Variants in DUSP8 observed in about 807,000 individuals in gnomAD.
DUSP8 encodes dual specificity protein phosphatase 8.
Under a neutral mutation model 38.7 loss-of-function variants are expected in DUSP8, and 15 were observed. The ratio of observed to expected loss-of-function variants is 0.39; its 90% CI spans 0.26 to 0.60. The LOEUF is 0.60. Ranked by LOEUF, DUSP8 falls within the 20% of genes least tolerant of loss-of-function variation. The probability of loss-of-function intolerance (pLI) is 0.56; values close to 1 mark genes in which losing one functional copy is unlikely to be tolerated. For missense variants in DUSP8, 768 were observed against 915.0 expected, an observed-to-expected ratio of 0.84 and a Z score of 2.07; for synonymous variants, 458 against 433.9, an observed-to-expected ratio of 1.06 and a Z score of -0.69.
rs972813478 is a variant in DUSP8 at position 1,556,338 on chromosome 11, G to A, written c.*180C>T. 3.0e-5 allele frequency: 24 copies of A among 794,814 alleles called. No individual in the cohort carries two copies. The Admixed American group carries it at 5.2e-4, about 17-fold the overall frequency. 49.2% of individuals were successfully genotyped at this position (794,814 alleles called of 1,614,324 possible). On this transcript the variant is annotated 3_prime_UTR_variant, in exon 7 of 7. Coordinates refer to ENST00000397374, the MANE Select transcript of DUSP8 (RefSeq NM_004420.3). This position sits in a 1 kb window ranked among gnomAD's most constrained non-coding sequence, Gnocchi z 5.2. ...ACCAGACAGTAAAAATAGAGCTCGA[G>A]GACCACCCGCACTGTTGCCAAATCA...
In DUSP8 at chr11:1,556,478, G is replaced by A. The variant is rs1163832542; in HGVS notation, c.*40C>T. The A allele has an allele frequency of 9.7e-6, 12 of 1,232,256 alleles. No individual in the cohort carries two copies. In the African/African-American group the frequency reaches 1.4e-4, roughly 14 times the overall value. 76.3% of individuals were successfully genotyped at this position (1,232,256 alleles called of 1,614,324 possible). A position where few individuals can be genotyped will look rare whatever the true frequency, so the allele number is the denominator to read the frequency against. ...TTATATATAATATACATTTATAACG[G>A]GCCTGGCTGCGGGCGGCGGGGCCGA... On this transcript the variant is annotated 3_prime_UTR_variant, in exon 7 of 7. Transcript: ENST00000397374. This position sits in a 1 kb window ranked among gnomAD's most constrained non-coding sequence, Gnocchi z 5.2.
At chr11:1,562,664 C>T (rs1378574238) in intron 3 of DUSP8, among the ~76,000 whole-genome samples, 1 of 151,326 alleles carries the variant, frequency 6.6e-6, no homozygotes, top group African/African-American at 2.4e-5. Flanking sequence ...CACACATGTA[C>T]ATGCACACAC....
intron 1 of DUSP8, among the ~76,000 whole-genome samples, chr11:1,566,207 G>C (rs1370685962): frequency 6.6e-6 from 1 of 152,086 alleles, no homozygotes; most frequent in Non-Finnish European, 1.5e-5. Context: ...TGGGGTTCAC[G>C]GACCCTTAGG....
Position 1,555,122 on chromosome 11 carries a change from G to C in DUSP8, c.*1396C>G. On this transcript the variant is annotated 3_prime_UTR_variant, in exon 7 of 7. Transcript: ENST00000397374. Reference sequence around the variant, plus strand: ...CCCACAGTGACTGGCCCCACTCCTAGACCCTAGGACATCTGAAGGGCAGGG... The same window carrying C: ...CCCACAGTGACTGGCCCCACTCCTACACCCTAGGACATCTGAAGGGCAGGG... 1.0e-6 allele frequency: 1 copy of C among 987,682 alleles called. No individual in the cohort carries two copies. The highest frequency in any genetic ancestry group is 1.2e-6 in the Non-Finnish European group (1 of 830,218). The allele number at this position is 987,682 out of a possible 1,614,324, so 61.2% of individuals were successfully genotyped here.
chr11:1,570,391 C>T (rs1300255974), intron 1 of DUSP8, among the ~76,000 whole-genome samples: 1 of 152,178 alleles, frequency 6.6e-6, no homozygotes, highest in Non-Finnish European at 1.5e-5. Flanking sequence ...GTGGGTCTGC[C>T]CCTTTCCCTG....
At chr11:1,567,946 T>C (rs748224955) in intron 1 of DUSP8, among the ~76,000 whole-genome samples, 25 of 152,310 alleles carry the variant, frequency 1.6e-4, no homozygotes, top group Middle Eastern at 3.4e-3. Flanking sequence ...TCCCGAGTTC[T>C]ACCTGAGCCT....
At position 1,558,321 on chromosome 11, in the gene DUSP8, G is replaced by T; in HGVS notation, c.538-50C>A. 7.4e-7 allele frequency: 1 copy of T among 1,356,696 alleles called. No individual in the cohort carries two copies. Among genetic ancestry groups the T allele is most frequent in the Non-Finnish European group, 1.0e-6 (1 of 982,422 alleles). The allele number at this position is 1,356,696 out of a possible 1,614,324, so 84.0% of individuals were successfully genotyped here. ...GAAAGGGGTGGGAGAAGCTCGGGGCGGGAGTGAAGGTGGAGGCTTTTCCTG... is the reference window on the plus strand; with the variant it reads ...GAAAGGGGTGGGAGAAGCTCGGGGCTGGAGTGAAGGTGGAGGCTTTTCCTG... On this transcript the variant is annotated intron_variant, in intron 4 of 6. Coordinates refer to ENST00000397374, the MANE Select transcript of DUSP8 (RefSeq NM_004420.3). The surrounding 1 kb of genome is among the most constrained non-coding windows in gnomAD (Gnocchi z 6.3).
chr11:1,558,690 A>G lies in DUSP8; in HGVS notation c.537+199T>C, dbSNP rs1848673578. On this transcript the variant is annotated intron_variant, in intron 4 of 6. Coordinates refer to ENST00000397374, the MANE Select transcript of DUSP8 (RefSeq NM_004420.3). The surrounding 1 kb of genome is among the most constrained non-coding windows in gnomAD (Gnocchi z 6.3). ...CCGAGCCCTGCCGGGCCCTCCCGCA[A>G]GCCCTGCTGTGGTCCTTCCAGGGGC... Among the ~76,000 whole-genome samples the G allele has an allele frequency of 6.6e-6, 1 of 152,054 alleles. No homozygotes were observed. The highest frequency in any genetic ancestry group is 6.5e-5 in the Admixed American group (1 of 15,288).
rs756555115 is a variant in DUSP8, at chr11:1,557,489, G to A, written c.907C>T (p.Leu303=). ...LLEYERSLKL[L]AALQGDPGTP... ...CCCGGGTCGCCCTGCAGGGCGGCCA[G>A]CAGCTTCAGGCTGCGCTCGTACTCC... Residue 303 remains leucine (L), a synonymous_variant, in exon 7 of 7, where the codon CTG becomes TTG. Coordinates refer to ENST00000397374, the MANE Select transcript of DUSP8 (RefSeq NM_004420.3). This position sits in a 1 kb window ranked among gnomAD's most constrained non-coding sequence, Gnocchi z 9.9. 6 of 1,575,556 alleles carry A rather than the reference G, an allele frequency of 3.8e-6. No homozygotes were observed. The South Asian group carries it at 6.8e-5, about 18-fold the overall frequency.
intron 3 of DUSP8, among the ~76,000 whole-genome samples, chr11:1,559,849 G>A (rs538125046): frequency 6.6e-6 from 1 of 152,332 alleles, no homozygotes; most frequent in Admixed American, 6.5e-5. Flanking sequence ...CCCCTGCCCT[G>A]CACCAGCTGG....
In DUSP8 at chr11:1,557,646, C is replaced by A; in HGVS notation, c.822-72G>T. On this transcript the variant is annotated intron_variant, in intron 6 of 6. Coordinates refer to ENST00000397374, the MANE Select transcript of DUSP8 (RefSeq NM_004420.3). The surrounding 1 kb of genome is among the most constrained non-coding windows in gnomAD (Gnocchi z 9.9). ...GCCCACCTGACGCACCCGCTGGGCA[C>A]CCACGAGCTCATGTGCGCCAGGCTG... The A allele has an allele frequency of 2.0e-6, 3 of 1,524,080 alleles. No homozygotes were observed. The highest frequency in any genetic ancestry group is 2.0e-5 in the Admixed American group (1 of 49,684). The allele number at this position is 1,524,080 out of a possible 1,614,324, so 94.4% of individuals were successfully genotyped here.
intron 1 of DUSP8, among the ~76,000 whole-genome samples, chr11:1,568,289 G>C (rs775447189): frequency 1.3e-5 from 2 of 151,730 alleles, no homozygotes; most frequent in African/African-American, 4.8e-5. Context: ...ACTGCCATGA[G>C]AGACCTCGGT....
chr11:1,566,338 A>G (rs1848804023), intron 1 of DUSP8, among the ~76,000 whole-genome samples: 1 of 151,918 alleles, frequency 6.6e-6, no homozygotes, highest in Non-Finnish European at 1.5e-5. Flanking sequence ...ACCCTCCCAC[A>G]TGGTCAAGCT....
rs1352274023 is a variant in DUSP8 at position 1,572,239 on chromosome 11, G to T, written c.-447C>A. ...GGCGTCCGGCGGGGCGTCGTGGGGGGAGCCGGCTCGGCCGCCGCGCTCGGC... is the reference window on the plus strand; with the variant it reads ...GGCGTCCGGCGGGGCGTCGTGGGGGTAGCCGGCTCGGCCGCCGCGCTCGGC... On this transcript the variant is annotated 5_prime_UTR_variant, in exon 1 of 7. Transcript: ENST00000397374. The surrounding 1 kb of genome is among the most constrained non-coding windows in gnomAD (Gnocchi z 4.7). Among the ~76,000 whole-genome samples, 7 of 147,036 alleles carry T rather than the reference G, an allele frequency of 4.8e-5. No homozygotes were observed. Among genetic ancestry groups the T allele is most frequent in the East Asian group, 4.0e-4 (2 of 5,042 alleles).
Position 1,563,871 on chromosome 11 carries a change from T to C in DUSP8, c.350A>G (p.Asp117Gly). The C allele has an allele frequency of 6.5e-7, 1 of 1,542,536 alleles. No individual in the cohort carries two copies. Among genetic ancestry groups the C allele is most frequent in the Non-Finnish European group, 8.7e-7 (1 of 1,143,242 alleles). Residue 117 changes from aspartate to glycine, a missense_variant, in exon 3 of 7, where the codon GAC becomes GGC. This residue lies in a region of DUSP8 where 252 missense variants were observed against 410.4 expected (regional missense o/e 0.61). Transcript: ENST00000397374. Reference protein sequence around the residue: ...ILLSKLDGCFDSVAILTGGFA... With the variant: ...ILLSKLDGCFGSVAILTGGFA... ...CTCACCAGTGAGGATGGCCACGCTG[T>C]CGAAGCAGCCGTCCAGCTTGCTCAG...
In DUSP8 at chr11:1,557,025, G is replaced by C. The variant is rs1278107675; in HGVS notation, c.1371C>G (p.Pro457=). The C allele has an allele frequency of 2.2e-5, 23 of 1,046,960 alleles. No individual in the cohort carries two copies. The highest frequency in any genetic ancestry group is 2.5e-5 in the Non-Finnish European group (22 of 872,018). The allele number at this position is 1,046,960 out of a possible 1,614,324, so 64.9% of individuals were successfully genotyped here. The change falls in exon 7 of 7, where the codon CCC becomes CCG. Residue 457 remains proline, a synonymous_variant. Coordinates refer to ENST00000397374, the MANE Select transcript of DUSP8 (RefSeq NM_004420.3). This position sits in a 1 kb window ranked among gnomAD's most constrained non-coding sequence, Gnocchi z 9.9. ...PEARPRPRRR[P]RPPAGSPARS... is the part of the protein sequence containing the mutation. ...GCGCGGGGGAGCCGGCGGGGGGCCG[G>C]GGCCGCCGGCGGGGCCGTGGGCGCG...
chr11:1,560,787 T>C (rs1848706711), intron 3 of DUSP8, among the ~76,000 whole-genome samples: 1 of 152,174 alleles, frequency 6.6e-6, no homozygotes, highest in South Asian at 2.1e-4. Flanking sequence ...CAGACTCTTC[T>C]GCCACCTGCT....
chr11:1,555,515 A>G lies in DUSP8; in HGVS notation c.*1003T>C. The G allele has an allele frequency of 1.0e-6, 1 of 959,302 alleles. No homozygotes were observed. Among genetic ancestry groups the G allele is most frequent in the Non-Finnish European group, 1.2e-6 (1 of 805,856 alleles). The allele number at this position is 959,302 out of a possible 1,614,324, so 59.4% of individuals were successfully genotyped here. ...GGGGGCGGGGCAGACCTGGAACAGA[A>G]CCCTAAGACCACCCCCTCCTCATAC... is the stretch of plus-strand genomic sequence containing the variant. On this transcript the variant is annotated 3_prime_UTR_variant, in exon 7 of 7. Transcript: ENST00000397374.
rs1201783026 is a variant in DUSP8 at position 1,571,909 on chromosome 11, C to T, written c.-117G>A. The T allele has an allele frequency of 6.8e-6, 1 of 146,298 alleles. No individual in the cohort carries two copies. Among genetic ancestry groups the T allele is most frequent in the Non-Finnish European group, 1.5e-5 (1 of 65,834 alleles). 9.1% of individuals were successfully genotyped at this position (146,298 alleles called of 1,614,324 possible). ...CCGGCGCCTCCGCTCACCTCGCTCG[C>T]GCTCGCCTCGGGGGCGCTCCGGGGA... On this transcript the variant is annotated 5_prime_UTR_variant, in exon 1 of 7. Coordinates refer to ENST00000397374, the MANE Select transcript of DUSP8 (RefSeq NM_004420.3).
Sources: allele counts gnomAD v4.1 joint callset (sites outside exome capture counted in the v4.1 genomes callset), GRCh38; gene constraint gnomAD v4.1.1; regional missense constraint gnomAD v4.1.1; non-coding constraint Gnocchi (gnomAD v3.1); transcripts MANE v1.5; gene names NCBI Gene and HGNC (gene_info 2026-07-23, HGNC 2026-07-21).